TNFAIP8: variants seen among roughly 807,000 people sequenced by gnomAD.
TNFAIP8 encodes tumor necrosis factor alpha-induced protein 8.
TNFAIP8 carries 7 observed loss-of-function variants against 13.3 expected under a neutral mutation model. The observed-to-expected ratio is 0.52, with a 90% confidence interval of 0.30 to 0.99. TNFAIP8 has a LOEUF of 0.99. Among genes scored for constraint, TNFAIP8 ranks in the 50% least tolerant of loss-of-function variants. The pLI, the probability that TNFAIP8 is intolerant of heterozygous loss-of-function variation, is 0.07. For missense variants in TNFAIP8, 258 were observed against 236.9 expected, an observed-to-expected ratio of 1.09 and a Z score of -0.58; for synonymous variants, 94 against 87.6, an observed-to-expected ratio of 1.07 and a Z score of -0.41.
At position 119,290,133 on chromosome 5, in the gene TNFAIP8, A is replaced by T. The variant is rs143040082; in HGVS notation, c.1+21226A>T. ...AAATGTTAGGACAGAAATAATTGGA[A>T]TGCAATACAGCATACATAAGTGAAG... On this transcript the variant is annotated intron_variant, in intron 1 of 1. Transcript: ENST00000274456. 1.3e-4 allele frequency among the ~76,000 whole-genome samples: 20 copies of T among 151,768 alleles called. No individual in the cohort carries two copies. In the East Asian group the frequency reaches 3.7e-3, roughly 28 times the overall value.
intron 1 of TNFAIP8, among the ~76,000 whole-genome samples, chr5:119,269,614 G>A (rs1481989945): frequency 6.6e-6 from 1 of 152,156 alleles, no homozygotes; most frequent in East Asian, 1.9e-4. Context: ...TATGTTTATT[G>A]CTTCAGTGAC....
rs530937361 is a variant in TNFAIP8 at position 119,300,082 on chromosome 5, C to T, written c.1+31175C>T. Among the ~76,000 whole-genome samples the T allele has an allele frequency of 8.5e-5, 13 of 152,342 alleles. No homozygotes were observed. In the East Asian group the frequency reaches 2.3e-3, roughly 27 times the overall value. ...CTTCCCGAGTGAGGCAATGCCTTGC[C>T]CTGCTTCGGCTCGCGCACGGTGCGC... On this transcript the variant is annotated intron_variant, in intron 1 of 1. Coordinates refer to the TNFAIP8 transcript ENST00000274456.
intron 1 of TNFAIP8, among the ~76,000 whole-genome samples, chr5:119,286,053 G>C (rs1748768829): frequency 6.6e-6 from 1 of 152,160 alleles, no homozygotes; most frequent in Non-Finnish European, 1.5e-5. Flanking sequence ...TATACTGTCT[G>C]TGTGTTTAAA....
At chr5:119,391,413 C>T (rs1752885621) in intron 1 of TNFAIP8, 1 of 702,420 alleles carries the variant, frequency 1.4e-6, no homozygotes, top group African/African-American at 1.7e-5. Context: ...TGCCACTCGA[C>T]TCAGAGATTG....
At chr5:119,355,264 C>G, upstream of TNFAIP8, 1 of 699,994 alleles carries the variant, frequency 1.4e-6, no homozygotes, top group Non-Finnish European at 2.6e-6. Context: ...GGGAACCGTG[C>G]TCTCCCCCTG....
chr5:119,329,930 G>A (rs1008725800), intron 1 of TNFAIP8, among the ~76,000 whole-genome samples: 3 of 152,164 alleles, frequency 2.0e-5, no homozygotes, highest in East Asian at 1.9e-4. Context: ...TCTGGAAAAC[G>A]CTTCTGAGCA....
chr5:119,278,592 A>G (rs901427219), intron 1 of TNFAIP8, among the ~76,000 whole-genome samples: 1 of 152,034 alleles, frequency 6.6e-6, no homozygotes, highest in African/African-American at 2.4e-5. Context: ...GAGAACCTCT[A>G]TTGTGGGAGG....
chr5:119,297,931 C>G (rs1386569306), intron 1 of TNFAIP8, among the ~76,000 whole-genome samples: 1,551 of 150,130 alleles, frequency 0.01, 17 homozygotes, highest in African/African-American at 0.036. Flanking sequence ...ATTGCAACCC[C>G]TGCCTTTTTT....
chr5:119,374,417 G>A (rs139380742), intron 1 of TNFAIP8, among the ~76,000 whole-genome samples: 3 of 152,314 alleles, frequency 2.0e-5, no homozygotes, highest in African/African-American at 7.2e-5. Flanking sequence ...AAGTGGGTTA[G>A]GATGTTCCTC....
At chr5:119,355,050 A>G, upstream of TNFAIP8, 1 of 413,054 alleles carries the variant, frequency 2.4e-6, no homozygotes, top group Non-Finnish European at 4.4e-6. Flanking sequence ...CCCGCTTTGC[A>G]GAAGGGAAAA....
intron 1 of TNFAIP8, among the ~76,000 whole-genome samples, chr5:119,304,275 C>T (rs997878620): frequency 6.6e-6 from 1 of 151,990 alleles, no homozygotes; most frequent in Non-Finnish European, 1.5e-5. Flanking sequence ...GCTTGGCTAA[C>T]CCAGCCTGAA....
chr5:119,369,055 CTTT>C (rs61101551), intron 1 of TNFAIP8, among the ~76,000 whole-genome samples: 7 of 104,996 alleles, frequency 6.7e-5, no homozygotes, highest in Admixed American at 1.8e-4. Flanking sequence ...CTTTTCTTTT[CTTT>C]TTTTTTTTTT....
chr5:119,311,782 A>C lies in TNFAIP8; in HGVS notation c.1+42875A>C, dbSNP rs994663218. Among the ~76,000 whole-genome samples the C allele has an allele frequency of 1.3e-5, 2 of 151,754 alleles. 1 individual carries two copies. The highest frequency in any genetic ancestry group is 4.2e-4 in the South Asian group (2 of 4,810). On this transcript the variant is annotated intron_variant, in intron 1 of 1. Transcript: ENST00000274456. ...CAAGAGCAGAGTAAAATTATTAGGA[A>C]GTGCTGATGAAGGGACATTGTGGGT... is the stretch of plus-strand genomic sequence containing the variant.
intron 1 of TNFAIP8, among the ~76,000 whole-genome samples, chr5:119,324,397 C>T (rs1048718303): frequency 6.7e-6 from 1 of 149,750 alleles, no homozygotes; most frequent in African/African-American, 2.4e-5. Flanking sequence ...TCCATCCTCT[C>T]AGAACTCCTA....
At chr5:119,376,362 C>CGATG (rs57769562) in intron 1 of TNFAIP8, among the ~76,000 whole-genome samples, 39 of 152,096 alleles carry the variant, frequency 2.6e-4, no homozygotes, top group African/African-American at 9.4e-4. Flanking sequence ...CTCAGGTGAT[C>CGATG]CGCCCACCTC....
intron 1 of TNFAIP8, among the ~76,000 whole-genome samples, chr5:119,368,829 T>C (rs1383250342): frequency 6.6e-6 from 1 of 152,142 alleles, no homozygotes; most frequent in African/African-American, 2.4e-5. Context: ...AGGACATGGC[T>C]GTGACCCTGA....
intron 1 of TNFAIP8, among the ~76,000 whole-genome samples, chr5:119,315,347 G>A (rs112385528): frequency 1.1e-3 from 166 of 152,340 alleles, no homozygotes; most frequent in African/African-American, 3.7e-3. Context: ...GCCTCCCAAA[G>A]TGCTGGGATT....
At chr5:119,384,590 C>T (rs1480230123) in intron 1 of TNFAIP8, among the ~76,000 whole-genome samples, 3 of 152,176 alleles carry the variant, frequency 2.0e-5, no homozygotes, top group Non-Finnish European at 4.4e-5. Context: ...ATTGTTATCA[C>T]TGTAATCATT....
At chr5:119,381,203 A>G (rs541782748) in intron 1 of TNFAIP8, among the ~76,000 whole-genome samples, 1 of 152,278 alleles carries the variant, frequency 6.6e-6, no homozygotes, top group South Asian at 2.1e-4. Context: ...TTCCTCAGAT[A>G]CCTGCTATAT....
Sources: allele counts gnomAD v4.1 joint callset (sites outside exome capture counted in the v4.1 genomes callset), GRCh38; gene constraint gnomAD v4.1.1; transcripts MANE v1.5; gene names NCBI Gene and HGNC (gene_info 2026-07-23, HGNC 2026-07-21).